CNTRL: variants seen among roughly 807,000 people sequenced by gnomAD.
The protein encoded by CNTRL is centriolin, also known as 110 kDa centrosomal protein.
In CNTRL, 233 loss-of-function variants were observed where a neutral mutation model predicts 303.7. The ratio of observed to expected loss-of-function variants is 0.77; its 90% CI spans 0.69 to 0.86. The LOEUF (loss-of-function observed/expected upper bound fraction) is 0.86. CNTRL is among the 40% of genes least tolerant of loss of function. The pLI, the probability that CNTRL is intolerant of heterozygous loss-of-function variation, is 0.00. For missense variants in CNTRL, 2,524 were observed against 2,650.6 expected (o/e 0.95, Z 1.05); for synonymous variants, 900 against 922.2 (o/e 0.98, Z 0.44).
In CNTRL at chr9:121,175,227, A is replaced by G; in HGVS notation, c.6954+3A>G. On this transcript the variant is annotated splice_donor_region_variant and intron_variant, in intron 43 of 43. Coordinates refer to ENST00000373855, the MANE Select transcript of CNTRL (RefSeq NM_007018.6). ...ACTCTCAACTTGGACAAAATCAGGT[A>G]AGCAGCAGCTCTTTTTAAAAACAAA... The G allele has an allele frequency of 1.2e-6, 2 of 1,613,498 alleles. No individual in the cohort carries two copies. Among genetic ancestry groups the G allele is most frequent in the East Asian group, 2.2e-5 (1 of 44,874 alleles).
At chr9:121,156,862 A>G (rs1190000408) in intron 27 of CNTRL, among the ~76,000 whole-genome samples, 1 of 152,226 alleles carries the variant, frequency 6.6e-6, no homozygotes, top group Non-Finnish European at 1.5e-5. Context: ...CACCAGATCA[A>G]TGCATTTTTA....
At chr9:121,158,263 A>T (rs998742158) in intron 30 of CNTRL, 154 bp downstream of exon 30, 20 of 870,006 alleles carry the variant, frequency 2.3e-5, no homozygotes, top group Non-Finnish European at 2.7e-5. Flanking sequence ...ACTCAATACA[A>T]TACTTCTGAA....
At chr9:121,152,456 C>T (rs371938142) in intron 25 of CNTRL, 29 bp from the exon 26 acceptor site, 1 of 1,553,296 alleles carries the variant, frequency 6.4e-7, no homozygotes. Context: ...GATGTTTCAG[C>T]ACTGCATTTT....
Position 121,096,436 on chromosome 9 carries a change from T to C in CNTRL, c.494T>C (p.Ile165Thr). ...SYNKISKIEG[I>T]ENMCNLQKLN... ...TTGCTTTCCAGCAAAATTGAAGGCA[T>C]AGAAAATATGTGTAATCTGCAAAAG... Residue 165 changes from isoleucine to threonine, a missense_variant, in exon 6 of 44, where the codon ATA becomes ACA. Transcript: ENST00000373855. 1 of 1,542,400 alleles carries C rather than the reference T, an allele frequency of 6.5e-7. No homozygotes were observed. Among genetic ancestry groups the C allele is most frequent in the Non-Finnish European group, 8.8e-7 (1 of 1,140,480 alleles).
intron 38 of CNTRL, 91 bp from the exon 39 acceptor site, chr9:121,169,520 C>T (rs2053220831): frequency 1.7e-6 from 2 of 1,207,936 alleles, no homozygotes; most frequent in East Asian, 2.3e-5. Flanking sequence ...GGTAGCATAT[C>T]ACCATTATGC....
rs371330805 is a variant in CNTRL at position 121,083,684 on chromosome 9, G to A, written c.-32+3206G>A. Among the ~76,000 whole-genome samples the A allele has an allele frequency of 7.9e-5, 12 of 152,254 alleles. No individual in the cohort carries two copies. In the East Asian group the frequency reaches 2.1e-3, roughly 27 times the overall value. Reference sequence around the variant, plus strand: ...TAGTAAATACATAAGCCAGTAACACGGACATTTATTACCAAGTACTATGTA... The same window carrying A: ...TAGTAAATACATAAGCCAGTAACACAGACATTTATTACCAAGTACTATGTA... On this transcript the variant is annotated intron_variant, in intron 2 of 43. Transcript: ENST00000373855.
chr9:121,154,232 T>C (rs180908652), intron 26 of CNTRL, among the ~76,000 whole-genome samples: 22 of 152,346 alleles, frequency 1.4e-4, no homozygotes, highest in African/African-American at 5.1e-4. Context: ...CCTTAAGATA[T>C]TGAATTGTGT....
At chr9:121,171,696 C>A in intron 40 of CNTRL, 148 bp downstream of exon 40, 1 of 728,762 alleles carries the variant, frequency 1.4e-6, no homozygotes, top group South Asian at 4.5e-5. Context: ...GGTTTTTTAG[C>A]CTTAAAATTT....
chr9:121,142,357 A>C, intron 19 of CNTRL, 87 bp downstream of exon 19: 1 of 1,189,962 alleles, frequency 8.4e-7, no homozygotes, highest in Non-Finnish European at 1.2e-6. Context: ...GATGGGTGTG[A>C]TCTGTAGTCA....
intron 11 of CNTRL, 126 bp downstream of exon 11, chr9:121,115,326 C>CA: frequency 1.9e-6 from 1 of 518,610 alleles, no homozygotes; most frequent in Non-Finnish European, 3.4e-6. Flanking sequence ...TGATAAATTT[C>CA]AGAGTCAAAT....
intron 2 of CNTRL, among the ~76,000 whole-genome samples, chr9:121,081,449 G>A (rs2048137725): frequency 6.6e-6 from 1 of 152,088 alleles, no homozygotes; most frequent in South Asian, 2.1e-4. Flanking sequence ...CACAGGTTAA[G>A]GACTCAGTCC....
At chr9:121,121,587 A>T (rs1301383674) in intron 12 of CNTRL, among the ~76,000 whole-genome samples, 1 of 152,188 alleles carries the variant, frequency 6.6e-6, no homozygotes, top group African/African-American at 2.4e-5. Flanking sequence ...GCTTTTCTCT[A>T]TTGGGAAATG....
intron 40 of CNTRL, among the ~76,000 whole-genome samples, chr9:121,172,045 GT>G (rs1456047035): frequency 6.6e-6 from 1 of 152,168 alleles, no homozygotes; most frequent in African/African-American, 2.4e-5. Context: ...CTGAACTCTA[GT>G]CGGGCTGCTG....
At chr9:121,124,774 C>CAA (rs5900470) in intron 13 of CNTRL, among the ~76,000 whole-genome samples, 3,270 of 102,046 alleles carry the variant, frequency 0.032, 65 homozygotes, top group Non-Finnish European at 0.043. Context: ...CCCGTCTCTA[C>CAA]AAAAAAAAAA....
In CNTRL at chr9:121,164,995, A is replaced by G. The variant is rs1034172142; in HGVS notation, c.5476A>G (p.Lys1826Glu). The G allele has an allele frequency of 6.2e-6, 10 of 1,612,604 alleles. 1 individual carries two copies. The African/African-American group carries it at 1.3e-4, about 22-fold the overall frequency. ...NSKMEQSNLE[K>E]LELNVRKLQQ... Reference sequence around the variant, plus strand: ...CAAAATGGAGCAATCAAACTTAGAAAAGTTGGAATTGAATGTCAGAAAACT... The same window carrying G: ...CAAAATGGAGCAATCAAACTTAGAAGAGTTGGAATTGAATGTCAGAAAACT... The change falls in exon 35 of 44, where the codon AAG (lysine) becomes GAG (glutamate). Residue 1826 changes from lysine (K) to glutamate (E), a missense_variant. Physicochemically the swap from Lys to Glu is moderately conservative, Grantham distance 56 (BLOSUM62 1). Coordinates refer to ENST00000373855, the MANE Select transcript of CNTRL (RefSeq NM_007018.6).
rs1429790606 is a variant in CNTRL, at chr9:121,141,490, G to C, written c.2593G>C (p.Glu865Gln). The change falls in exon 18 of 44, where the codon GAG becomes CAG. Residue 865 changes from glutamate to glutamine, a missense_variant. Physicochemically the swap from Glu to Gln is conservative, Grantham distance 29. Transcript: ENST00000373855. ...KWERDEAQVR[E>Q]RKLQEEMALQ... is the part of the protein sequence containing the mutation. ...GGAAAGAGATGAAGCACAAGTTAGA[G>C]AGAGAAAACTCCAAGAAGAAATGGC... The C allele has an allele frequency of 6.2e-7, 1 of 1,614,086 alleles. No individual in the cohort carries two copies. Among genetic ancestry groups the C allele is most frequent in the East Asian group, 2.2e-5 (1 of 44,878 alleles).
At chr9:121,094,083 C>T (rs1180083121) in intron 4 of CNTRL, among the ~76,000 whole-genome samples, 1 of 152,022 alleles carries the variant, frequency 6.6e-6, no homozygotes, top group Non-Finnish European at 1.5e-5. Flanking sequence ...GCACTCCAGC[C>T]TGGCCAACAG....
intron 1 of CNTRL, among the ~76,000 whole-genome samples, chr9:121,078,503 A>G (rs928132770): frequency 1.3e-5 from 2 of 152,182 alleles, no homozygotes; most frequent in African/African-American, 2.4e-5. Context: ...TTTCCCCCAC[A>G]CATTAAGCAA....
intron 14 of CNTRL, among the ~76,000 whole-genome samples, chr9:121,134,365 A>T (rs1052851745): frequency 6.7e-6 from 1 of 149,526 alleles, no homozygotes; most frequent in African/African-American, 2.5e-5. Flanking sequence ...ATCTTCGCTC[A>T]CTGCAACCTC....
Sources: allele counts gnomAD v4.1 joint callset (sites outside exome capture counted in the v4.1 genomes callset), GRCh38; gene constraint gnomAD v4.1.1; transcripts MANE v1.5; gene names NCBI Gene and HGNC (gene_info 2026-07-23, HGNC 2026-07-21).